The following PRKAR1A variants were observed in gnomAD, a reference collection of about 807,000 sequenced individuals.
The protein encoded by PRKAR1A is cAMP-dependent protein kinase type I-alpha regulatory subunit.
A neutral mutation model predicts 52.0 loss-of-function variants in PRKAR1A; 3 were observed. The ratio of observed to expected loss-of-function variants is 0.06; its 90% confidence interval spans 0.03 to 0.15. The LOEUF is 0.15. Among genes scored for constraint, PRKAR1A ranks in the 10% least tolerant of loss-of-function variants. The probability of loss-of-function intolerance (pLI) is 1.00; values close to 1 mark genes in which losing one functional copy is unlikely to be tolerated. For synonymous variants in PRKAR1A, 188 were observed against 168.4 expected (o/e 1.12, Z -0.90); for missense variants, 240 against 477.4 (o/e 0.50, Z 4.63).
At chr17:68,528,815 C>G (rs1334419076) in intron 8 of PRKAR1A, 55 bp from the exon 9 acceptor site, 9 of 1,603,684 alleles carry the variant, frequency 5.6e-6, no homozygotes, top group South Asian at 1.1e-5. Context: ...TTTCTTTTTA[C>G]CTTTATAACA....
intron 6 of PRKAR1A, among the ~76,000 whole-genome samples, chr17:68,525,328 A>G (rs2085755671): frequency 6.8e-6 from 1 of 148,144 alleles, no homozygotes; most frequent in African/African-American, 2.5e-5. Flanking sequence ...AGACCCAGCC[A>G]TTAGCTAGCA....
the PRKAR1A span, among the ~76,000 whole-genome samples, chr17:68,499,129 T>C: frequency 6.6e-6 from 1 of 152,230 alleles, no homozygotes; most frequent in Non-Finnish European, 1.5e-5. Context: ...CCATGTGTTA[T>C]TGTCACTGTC....
chr17:68,518,163 T>G (rs529126007), intron 2 of PRKAR1A, among the ~76,000 whole-genome samples: 59 of 152,340 alleles, frequency 3.9e-4, no homozygotes, highest in African/African-American at 1.4e-3. Context: ...ATTGAGAGTC[T>G]GTTGCTTTTC....
chr17:68,491,906 A>G, the PRKAR1A span, among the ~76,000 whole-genome samples: 24,055 of 152,270 alleles, frequency 0.16, 2,178 homozygotes, highest in African/African-American at 0.25. Context: ...TAACAGGAAC[A>G]AAAAGCATAT....
At chr17:68,518,097 C>A (rs747808219) in intron 2 of PRKAR1A, among the ~76,000 whole-genome samples, 1 of 152,242 alleles carries the variant, frequency 6.6e-6, no homozygotes, top group Non-Finnish European at 1.5e-5. Context: ...TGGGCAGCTC[C>A]GCCCCTGTGG....
chr17:68,487,320 C>T, the PRKAR1A span, among the ~76,000 whole-genome samples: 2 of 152,056 alleles, frequency 1.3e-5, no homozygotes, highest in African/African-American at 4.8e-5. Flanking sequence ...TAAACTTTAC[C>T]TCCAGGTACA....
chr17:68,505,622 G>A, the PRKAR1A span, among the ~76,000 whole-genome samples: 1 of 152,118 alleles, frequency 6.6e-6, no homozygotes, highest in African/African-American at 2.4e-5. Flanking sequence ...AGACCAGCCT[G>A]GGCAACATAG....
At chr17:68,475,541 G>A in the PRKAR1A span, among the ~76,000 whole-genome samples, 1 of 152,228 alleles carries the variant, frequency 6.6e-6, no homozygotes, top group African/African-American at 2.4e-5. Context: ...TCATCTCACT[G>A]CAACCTCCAC....
the PRKAR1A span, among the ~76,000 whole-genome samples, chr17:68,480,600 T>C: frequency 6.6e-6 from 1 of 152,158 alleles, no homozygotes; most frequent in Non-Finnish European, 1.5e-5. Flanking sequence ...CAGACTGGAG[T>C]GCAGTGGTGC....
chr17:68,492,486 C>T, the PRKAR1A span, among the ~76,000 whole-genome samples: 15 of 152,024 alleles, frequency 9.9e-5, no homozygotes, highest in African/African-American at 1.7e-4. Flanking sequence ...TTGTTTTGGG[C>T]GTTGGTTAGT....
chr17:68,433,117 GC>G, the PRKAR1A span, among the ~76,000 whole-genome samples: 1 of 152,200 alleles, frequency 6.6e-6, no homozygotes, highest in Non-Finnish European at 1.5e-5. Context: ...CTTCCTATGT[GC>G]CAGGCACGAT....
chr17:68,416,020 T>A, the PRKAR1A span, among the ~76,000 whole-genome samples: 1 of 152,210 alleles, frequency 6.6e-6, no homozygotes. Context: ...CATTCAGTGT[T>A]AATATTGAGA....
At chr17:68,507,207 A>T (rs1419724964), upstream of PRKAR1A, among the ~76,000 whole-genome samples, 1 of 152,248 alleles carries the variant, frequency 6.6e-6, no homozygotes, top group Non-Finnish European at 1.5e-5. Flanking sequence ...CATCCATGAC[A>T]CAAAGATCTG....
the PRKAR1A span, among the ~76,000 whole-genome samples, chr17:68,438,825 C>A: frequency 6.6e-6 from 1 of 152,214 alleles, no homozygotes; most frequent in Non-Finnish European, 1.5e-5. Flanking sequence ...GTCTCGAACT[C>A]GTGACCTCAG....
At chr17:68,472,995 A>G in the PRKAR1A span, among the ~76,000 whole-genome samples, 4 of 152,126 alleles carry the variant, frequency 2.6e-5, no homozygotes, top group Non-Finnish European at 5.9e-5. Context: ...TTGATTGATC[A>G]TTAGATTTTT....
chr17:68,451,687 G>A, the PRKAR1A span, among the ~76,000 whole-genome samples: 1 of 152,128 alleles, frequency 6.6e-6, no homozygotes, highest in Non-Finnish European at 1.5e-5. Context: ...TGCCAATATG[G>A]GAGGGGACAG....
downstream of PRKAR1A, among the ~76,000 whole-genome samples, chr17:68,538,168 A>G (rs1279131952): frequency 6.6e-6 from 1 of 152,200 alleles, no homozygotes; most frequent in Non-Finnish European, 1.5e-5. Flanking sequence ...GTTTCTTGCT[A>G]ACTTTATTTC....
chr17:68,434,324 C>T, the PRKAR1A span, among the ~76,000 whole-genome samples: 1 of 152,196 alleles, frequency 6.6e-6, no homozygotes, highest in South Asian at 2.1e-4. Flanking sequence ...CGCCCACACA[C>T]ACATCAAAAA....
At chr17:68,466,514 C>G in the PRKAR1A span, among the ~76,000 whole-genome samples, 158 of 147,810 alleles carry the variant, frequency 1.1e-3, no homozygotes, top group African/African-American at 3.7e-3. Flanking sequence ...CAGGTTCAAG[C>G]GATTCTAGTG....
Sources: gnomAD v4.1 joint callset for allele counts (sites outside exome capture counted in the v4.1 genomes callset) on GRCh38, gnomAD v4.1.1 for gene constraint, MANE v1.5 for transcripts, NCBI Gene and HGNC (gene_info 2026-07-23, HGNC 2026-07-21) for gene names.